SEC16B: variants seen among roughly 807,000 people sequenced by gnomAD.
SEC16B encodes protein transport protein Sec16B.
SEC16B carries 115 observed loss-of-function variants against 141.8 expected under a neutral mutation model. The ratio of observed to expected loss-of-function variants is 0.81; its 90% CI spans 0.70 to 0.95. SEC16B has a LOEUF of 0.95. Among genes scored for constraint, SEC16B ranks in the 40% least tolerant of loss-of-function variants. SEC16B has a pLI of 0.00. For synonymous variants in SEC16B, 493 were observed against 492.5 expected, an observed-to-expected ratio of 1.00 and a Z score of -0.01; for missense variants, 1,291 against 1,312.3, an observed-to-expected ratio of 0.98 and a Z score of 0.25.
intron 16 of SEC16B, among the ~76,000 whole-genome samples, 197 bp from the exon 17 acceptor site, chr1:177,940,911 T>C (rs997987028): frequency 1.3e-5 from 2 of 152,154 alleles, no homozygotes; most frequent in Admixed American, 1.3e-4. Context: ...AATTGCAACA[T>C]AAATAAACAA....
chr1:177,976,422 C>G (rs1453396570), intron 1 of SEC16B, among the ~76,000 whole-genome samples: 1 of 152,152 alleles, frequency 6.6e-6, no homozygotes, highest in Non-Finnish European at 1.5e-5. Flanking sequence ...TGAAGTAGGA[C>G]TGGAATATTC....
intron 2 of SEC16B, among the ~76,000 whole-genome samples, chr1:177,966,820 C>T (rs935859112): frequency 6.6e-6 from 1 of 152,212 alleles, no homozygotes; most frequent in Non-Finnish European, 1.5e-5. Context: ...GATGATCTGC[C>T]TGCCTTGGCC....
Position 177,929,120 on chromosome 1 carries a change from C to T in SEC16B, c.*738G>A, listed in dbSNP as rs944911064. On this transcript the variant is annotated 3_prime_UTR_variant, in exon 26 of 26. Coordinates refer to ENST00000308284, the MANE Select transcript of SEC16B (RefSeq NM_033127.4). ...GGATGAATTTTTAGGAACCGTTTTC[C>T]ATCATTTATTATACTGATGTGCCAT... 6 of 152,546 alleles carry T rather than the reference C, an allele frequency of 3.9e-5. No individual in the cohort carries two copies. Among genetic ancestry groups the T allele is most frequent in the African/African-American group, 1.4e-4 (6 of 41,396 alleles). 9.4% of individuals were successfully genotyped at this position (152,546 alleles called of 1,614,324 possible).
chr1:177,975,520 C>CAG (rs1452220016), intron 1 of SEC16B, among the ~76,000 whole-genome samples: 1 of 152,078 alleles, frequency 6.6e-6, no homozygotes, highest in African/African-American at 2.4e-5. Context: ...GAGACACAAA[C>CAG]AGACACAAAT....
In SEC16B at chr1:177,937,151, T is replaced by C. The variant is rs1571310046; in HGVS notation, c.2503+63A>G. The C allele has an allele frequency of 4.0e-6, 6 of 1,517,804 alleles. No homozygotes were observed. In the East Asian group the frequency reaches 9.1e-5, roughly 23 times the overall value. The allele number at this position is 1,517,804 out of a possible 1,614,324, so 94.0% of individuals were successfully genotyped here. On this transcript the variant is annotated intron_variant, in intron 19 of 25. Transcript: ENST00000308284. ...CTCTGACTGGTCCCACCACCTCCCT[T>C]TCCTGCTTCCTCCCCACCCAGACCC...
At position 177,958,288 on chromosome 1, in the gene SEC16B, G is replaced by A; in HGVS notation, c.1209C>T (p.Pro403=). 1 of 1,610,206 alleles carries A rather than the reference G, an allele frequency of 6.2e-7. No homozygotes were observed. The highest frequency in any genetic ancestry group is 8.5e-7 in the Non-Finnish European group (1 of 1,178,230). Residue 403 remains proline (P), a synonymous_variant, in exon 10 of 26, where the codon CCC becomes CCT. Coordinates refer to ENST00000308284, the MANE Select transcript of SEC16B (RefSeq NM_033127.4). ...CKKLEKYKRQ[P]PVANLINLTD... is the part of the protein sequence containing the mutation. The stretch of plus-strand genomic sequence containing the variant: ...TCAGGTTGATGAGGTTGGCCACAGG[G>A]GGCTGCCGCTTGTACTTCTCCAGCT...
rs1653671271 is a variant in SEC16B at position 177,967,850 on chromosome 1, C to G, written c.132G>C (p.Glu44Asp). 6.2e-7 allele frequency: 1 copy of G among 1,613,994 alleles called. No homozygotes were observed. Residue 44 changes from glutamate to aspartate, a missense_variant, in exon 2 of 26, where the codon GAG becomes GAC. This residue lies in a region of SEC16B where 681 missense variants were observed against 675.5 expected (regional missense o/e 1.01). Coordinates refer to ENST00000308284, the MANE Select transcript of SEC16B (RefSeq NM_033127.4). ...RPVPHSWHNG[E>D]RFHQWQDNRG... is the part of the protein sequence containing the mutation. ...GGTTGTCTTGCCATTGGTGAAACCT[C>G]TCTCCATTGTGCCAAGAGTGAGGGA...
chr1:177,960,758 G>A (rs767242964), intron 7 of SEC16B, 33 bp downstream of exon 7: 17 of 1,577,250 alleles, frequency 1.1e-5, no homozygotes, highest in Admixed American at 1.8e-5. Flanking sequence ...TAAGCAGTGT[G>A]CCAGCATTCC....
At chr1:177,941,286 C>T (rs1651251006) in intron 16 of SEC16B, among the ~76,000 whole-genome samples, 1 of 152,202 alleles carries the variant, frequency 6.6e-6, no homozygotes, top group South Asian at 2.1e-4. Context: ...GGGAGGCTCA[C>T]CACCACAAAT....
chr1:177,939,247 TG>T (rs1651099423), intron 18 of SEC16B, among the ~76,000 whole-genome samples: 1 of 151,850 alleles, frequency 6.6e-6, no homozygotes, highest in Non-Finnish European at 1.5e-5. Flanking sequence ...AAGGGAAGAG[TG>T]GAGATGCCAT....
At chr1:177,965,763 T>C in intron 3 of SEC16B, 130 bp downstream of exon 3, 3 of 593,124 alleles carry the variant, frequency 5.1e-6, no homozygotes, top group East Asian at 5.6e-5. Context: ...GTTTCTGCTA[T>C]GGTCTCGTCT....
rs897883759 is a variant in SEC16B at position 177,929,389 on chromosome 1, T to C, written c.*469A>G. On this transcript the variant is annotated 3_prime_UTR_variant, in exon 26 of 26. Transcript: ENST00000308284. ...TAATCAAGTTTCAGTATAAAAACTT[T>C]GCTAAATAGAGCCATGTATTGGTCT... 6.3e-6 allele frequency: 1 copy of C among 158,234 alleles called. No homozygotes were observed. Among genetic ancestry groups the C allele is most frequent in the Non-Finnish European group, 1.4e-5 (1 of 71,196 alleles). 9.8% of individuals were successfully genotyped at this position (158,234 alleles called of 1,614,324 possible). A position where few individuals can be genotyped will look rare whatever the true frequency, so the allele number is the denominator to read the frequency against.
At chr1:177,947,522 C>G (rs926199319) in intron 13 of SEC16B, among the ~76,000 whole-genome samples, 1 of 152,026 alleles carries the variant, frequency 6.6e-6, no homozygotes, top group Non-Finnish European at 1.5e-5. Context: ...CCTGCATTCA[C>G]TCACGGCAGA....
Position 177,946,425 on chromosome 1 carries a change from G to C in SEC16B, c.1770C>G (p.Ser590Arg), listed in dbSNP as rs1229219894. 1.9e-6 allele frequency: 3 copies of C among 1,563,816 alleles called. No individual in the cohort carries two copies. In the African/African-American group the frequency reaches 4.1e-5, roughly 21 times the overall value. Reference sequence around the variant, plus strand: ...CTTTCTCCCAGGTCGCATACCTGTGGCTGCTGCCCAGCAAGACCAGATGGT... The same window carrying C: ...CTTTCTCCCAGGTCGCATACCTGTGCCTGCTGCCCAGCAAGACCAGATGGT... ...KTDHLVLLGS[S>R]HSQEFLKFAT... The change falls in exon 14 of 26, where the codon AGC becomes AGG. Residue 590 changes from serine to arginine, a missense_variant. Ser to Arg is a moderately radical substitution (Grantham distance 110). This residue lies in a region of SEC16B where 605 missense variants were observed against 614.1 expected (regional missense o/e 0.99). Transcript: ENST00000308284.
chr1:177,966,093 CAG>C, intron 2 of SEC16B, 88 bp from the exon 3 acceptor site: 1 of 756,784 alleles, frequency 1.3e-6, no homozygotes, highest in Non-Finnish European at 2.2e-6. Context: ...TAAACAGGTT[CAG>C]AGGACAGAGT....
At position 177,961,712 on chromosome 1, in the gene SEC16B, T is replaced by G. The variant is rs1203154247; in HGVS notation, c.665A>C (p.Asn222Thr). ...ACCAGACTCACGCTGCTGGAGAAGG[T>G]TGGACTCACTAGCCAATGATGGCTG... ...KNKPSLASES[N>T]LLQQRESGLS... The change falls in exon 6 of 26, where the codon AAC (asparagine) becomes ACC (threonine). Residue 222 changes from asparagine (N) to threonine (T), a missense_variant. Physicochemically the swap from Asn to Thr is moderately conservative, Grantham distance 65. Coordinates refer to ENST00000308284, the MANE Select transcript of SEC16B (RefSeq NM_033127.4). 6.2e-7 allele frequency: 1 copy of G among 1,613,696 alleles called. No homozygotes were observed. The highest frequency in any genetic ancestry group is 1.3e-5 in the African/African-American group (1 of 74,898).
At chr1:177,956,895 G>A (rs1652644603) in intron 10 of SEC16B, among the ~76,000 whole-genome samples, 1 of 152,130 alleles carries the variant, frequency 6.6e-6, no homozygotes, top group Admixed American at 6.6e-5. Context: ...AACATTCTGA[G>A]CACATTTGAG....
rs752294289 is a variant in SEC16B, at chr1:177,961,672, G to T, written c.705C>A (p.Ser235Arg). 1 of 1,613,980 alleles carries T rather than the reference G, an allele frequency of 6.2e-7. No individual in the cohort carries two copies. Among genetic ancestry groups the T allele is most frequent in the South Asian group, 1.1e-5 (1 of 91,070 alleles). ...QQRESGLSSS[S>R]YELSQYIRDA... The stretch of plus-strand genomic sequence containing the variant: ...CTCTGATGTACTGACTGAGCTCATA[G>T]CTGCTGGAGCTGAGACCAGACTCAC... Residue 235 changes from serine (S) to arginine (R), a missense_variant, in exon 6 of 26, where the codon AGC (serine) becomes AGA (arginine). Ser to Arg is a moderately radical substitution (Grantham distance 110). Transcript: ENST00000308284.
chr1:177,936,276 C>T, intron 20 of SEC16B, 22 bp downstream of exon 20: 1 of 1,598,834 alleles, frequency 6.3e-7, no homozygotes, highest in Non-Finnish European at 8.5e-7. Flanking sequence ...GCAGTGGCAT[C>T]TTTTATGCTG....
Sources: gnomAD v4.1 joint callset for allele counts (sites outside exome capture counted in the v4.1 genomes callset) on GRCh38, gnomAD v4.1.1 for gene constraint, gnomAD v4.1.1 regional missense constraint, MANE v1.5 for transcripts, NCBI Gene and HGNC (gene_info 2026-07-23, HGNC 2026-07-21) for gene names.